Variants in NTM observed in about 807,000 individuals in gnomAD.
The protein encoded by NTM is IgLON family member 2.
NTM carries 13 observed loss-of-function variants against 42.1 expected under a neutral mutation model. The ratio of observed to expected loss-of-function variants is 0.31; its 90% confidence interval spans 0.20 to 0.49. NTM has a LOEUF of 0.49. Ranked by LOEUF, NTM falls within the 20% of genes least tolerant of loss-of-function variation. The pLI, the probability that NTM is intolerant of heterozygous loss-of-function variation, is 0.99. For missense variants in NTM, 373 were observed against 452.8 expected, an observed-to-expected ratio of 0.82 and a Z score of 1.60; for synonymous variants, 187 against 179.2, an observed-to-expected ratio of 1.04 and a Z score of -0.35.
chr11:131,782,151 C>T (rs2088271715), intron 1 of NTM, among the ~76,000 whole-genome samples: 1 of 152,064 alleles, frequency 6.6e-6, no homozygotes, highest in African/African-American at 2.4e-5. Flanking sequence ...TCCCAAAAGA[C>T]TGCTTAATAA....
At chr11:131,660,046 G>A (rs911026868) in intron 1 of NTM, among the ~76,000 whole-genome samples, 2 of 152,218 alleles carry the variant, frequency 1.3e-5, no homozygotes, top group Non-Finnish European at 2.9e-5. Flanking sequence ...AATGCTCAGA[G>A]CCTGGCTTCC....
chr11:132,176,840 T>G (rs2076903740), intron 3 of NTM, among the ~76,000 whole-genome samples: 1 of 151,262 alleles, frequency 6.6e-6, no homozygotes, highest in Non-Finnish European at 1.5e-5. Flanking sequence ...GTGATTATCT[T>G]GCCTCAGCCT....
intron 1 of NTM, among the ~76,000 whole-genome samples, chr11:131,548,515 T>A (rs996985055): frequency 5.3e-5 from 8 of 152,214 alleles, no homozygotes; most frequent in Non-Finnish European, 1.5e-5. Flanking sequence ...ATAATTATGA[T>A]AACATTTACA....
intron 1 of NTM, among the ~76,000 whole-genome samples, chr11:131,811,560 G>T (rs1373953066): frequency 6.6e-6 from 1 of 152,192 alleles, no homozygotes; most frequent in Non-Finnish European, 1.5e-5. Flanking sequence ...ATGCAGGGAG[G>T]GCTGCAGAGC....
intron 1 of NTM, among the ~76,000 whole-genome samples, chr11:131,623,919 C>A (rs1438569712): frequency 6.6e-6 from 1 of 152,206 alleles, no homozygotes; most frequent in Admixed American, 6.5e-5. Context: ...GAAGGGCCTA[C>A]CCTGGCCGCT....
chr11:131,817,814 G>A (rs1011292039), intron 1 of NTM, among the ~76,000 whole-genome samples: 4 of 152,212 alleles, frequency 2.6e-5, no homozygotes, highest in Non-Finnish European at 5.9e-5. Context: ...TGCGGGCACT[G>A]ACTAGACTCA....
At chr11:131,773,327 C>T (rs2086438380) in intron 1 of NTM, among the ~76,000 whole-genome samples, 1 of 152,236 alleles carries the variant, frequency 6.6e-6, no homozygotes, top group Non-Finnish European at 1.5e-5. Context: ...CAAAGCCCCA[C>T]TGCTTAATAC....
At chr11:131,437,416 T>C (rs1442025222) in intron 1 of NTM, among the ~76,000 whole-genome samples, 3 of 152,140 alleles carry the variant, frequency 2.0e-5, no homozygotes, top group Non-Finnish European at 1.5e-5. Context: ...TGTGTGGGAG[T>C]CTAAGTCTCT....
chr11:132,267,891 C>A (rs2093286835), intron 4 of NTM, among the ~76,000 whole-genome samples: 1 of 151,600 alleles, frequency 6.6e-6, no homozygotes, highest in African/African-American at 2.4e-5. Flanking sequence ...AAAATCATAT[C>A]ATATCCATGA....
intron 3 of NTM, among the ~76,000 whole-genome samples, chr11:132,167,283 C>T (rs2075423271): frequency 6.6e-6 from 1 of 152,140 alleles, no homozygotes; most frequent in Non-Finnish European, 1.5e-5. Context: ...GTTGCCCAGG[C>T]TGGTCTTCAA....
intron 2 of NTM, among the ~76,000 whole-genome samples, chr11:131,979,685 T>G (rs1257684486): frequency 6.6e-6 from 1 of 152,194 alleles, no homozygotes; most frequent in Non-Finnish European, 1.5e-5. Context: ...TAACTCAAAA[T>G]TGCCCAAAAG....
chr11:131,816,593 T>C (rs891726525), intron 1 of NTM, among the ~76,000 whole-genome samples: 1 of 151,926 alleles, frequency 6.6e-6, no homozygotes, highest in Admixed American at 6.6e-5. Flanking sequence ...AATTTATCAC[T>C]GGCAAATAAG....
intron 1 of NTM, among the ~76,000 whole-genome samples, chr11:131,673,940 A>G (rs571343112): frequency 9.8e-5 from 15 of 152,356 alleles, no homozygotes; most frequent in African/African-American, 3.4e-4. Flanking sequence ...GGCGGCACAA[A>G]GAGAAAGAGG....
intron 1 of NTM, among the ~76,000 whole-genome samples, chr11:131,803,057 A>G (rs2092258676): frequency 2.0e-5 from 3 of 152,168 alleles, no homozygotes; most frequent in African/African-American, 7.2e-5. Context: ...CTCCATTTCC[A>G]GACACTTCAC....
At chr11:131,402,034 G>A (rs945652329) in intron 1 of NTM, among the ~76,000 whole-genome samples, 2 of 150,866 alleles carry the variant, frequency 1.3e-5, no homozygotes, top group Admixed American at 6.6e-5. Flanking sequence ...TGTGAGCAGG[G>A]AGTTATTCTA....
chr11:131,587,446 CA>C (rs11327748), intron 1 of NTM, among the ~76,000 whole-genome samples: 72,321 of 141,476 alleles, frequency 0.51, 17,596 homozygotes, highest in East Asian at 0.62. Context: ...AGACTCTGTC[CA>C]AAAAAAAAAA....
chr11:132,211,121 G>C (rs1271396020), intron 3 of NTM, among the ~76,000 whole-genome samples: 1 of 151,372 alleles, frequency 6.6e-6, no homozygotes, highest in South Asian at 2.1e-4. Flanking sequence ...AAAGAAAGTG[G>C]CATTTGCTTT....
chr11:132,085,682 C>CT (rs1443343490), intron 2 of NTM, among the ~76,000 whole-genome samples: 1 of 152,012 alleles, frequency 6.6e-6, no homozygotes, highest in East Asian at 1.9e-4. Flanking sequence ...AATTAGAGCT[C>CT]TTTTTTATAG....
At chr11:131,814,241 G>A (rs565248342) in intron 1 of NTM, among the ~76,000 whole-genome samples, 54 of 152,220 alleles carry the variant, frequency 3.5e-4, no homozygotes, top group African/African-American at 1.3e-3. Flanking sequence ...CAATTATTGT[G>A]CTATGTTCCC....
Sources: allele counts gnomAD v4.1 joint callset (sites outside exome capture counted in the v4.1 genomes callset), GRCh38; gene constraint gnomAD v4.1.1; transcripts MANE v1.5; gene names NCBI Gene and HGNC (gene_info 2026-07-23, HGNC 2026-07-21).